VCAN: variants seen among roughly 807,000 people sequenced by gnomAD.
VCAN encodes versican core protein.
VCAN carries 44 observed loss-of-function variants against 245.5 expected under a neutral mutation model. The ratio of observed to expected loss-of-function variants is 0.18; its 90% CI spans 0.14 to 0.23. The LOEUF is 0.23. Ranked by LOEUF, VCAN falls within the 10% of genes least tolerant of loss-of-function variation. VCAN has a pLI of 1.00. For synonymous variants in VCAN, 1,413 were observed against 1,437.0 expected (o/e 0.98, Z 0.38); for missense variants, 3,793 against 4,057.9 (o/e 0.93, Z 1.77).
Position 83,537,602 on chromosome 5 carries a change from A to T in VCAN, c.4599A>T (p.Ala1533=), listed in dbSNP as rs540210222. The T allele has an allele frequency of 8.4e-5, 135 of 1,613,868 alleles. No homozygotes were observed. The Admixed American group carries it at 9.2e-4, about 11-fold the overall frequency. The change falls in exon 8 of 15, where the codon GCA becomes GCT. Residue 1533 remains alanine (A), a synonymous_variant. Coordinates refer to ENST00000265077, the MANE Select transcript of VCAN (RefSeq NM_004385.5). ...GAGATACTGAAGTTGGTCATCAGGC[A>T]CATGAACATACTGAACCTGTATCTC... is the stretch of plus-strand genomic sequence containing the variant. ...TERDTEVGHQ[A]HEHTEPVSLF...
rs1161432393 is a variant in VCAN, at chr5:83,539,180, C to A, written c.6177C>A (p.Thr2059=). The change falls in exon 8 of 15, where the codon ACC becomes ACA. Residue 2059 remains threonine (T), a synonymous_variant. Coordinates refer to ENST00000265077, the MANE Select transcript of VCAN (RefSeq NM_004385.5). ...GTVNEIDRRS[T]ILPTAEVEGT... is the part of the protein sequence containing the mutation. ...TCAATGAAATTGATAGAAGATCCAC[C>A]ATTTTACCAACAGCAGAAGTGGAAG... The A allele has an allele frequency of 6.2e-7, 1 of 1,613,928 alleles. No homozygotes were observed. Among genetic ancestry groups the A allele is most frequent in the Admixed American group, 1.7e-5 (1 of 59,930 alleles).
At position 83,483,649 on chromosome 5, in the gene VCAN, G is replaced by C. The variant is rs1744692136; in HGVS notation, c.70+61G>C. ...AATAAAAATGTAAGTGCTGGAGGAT[G>C]AAATGGCAATGTGGAATCACTGGAA... On this transcript the variant is annotated intron_variant, in intron 2 of 14. Transcript: ENST00000265077. 6 of 1,448,040 alleles carry C rather than the reference G, an allele frequency of 4.1e-6. No individual in the cohort carries two copies. The Admixed American group carries it at 6.7e-5, about 16-fold the overall frequency. 89.7% of individuals were successfully genotyped at this position (1,448,040 alleles called of 1,614,324 possible).
At position 83,472,559 on chromosome 5, in the gene VCAN, C is replaced by A. The variant is rs529114245; in HGVS notation, c.-7+536C>A. Among the ~76,000 whole-genome samples, 9 of 152,292 alleles carry A rather than the reference C, an allele frequency of 5.9e-5. No homozygotes were observed. In the South Asian group the frequency reaches 1.9e-3, roughly 32 times the overall value. ...CCTGGAAAGCCACTCCCGGGCAGCT[C>A]CTGACAGTGCGACCCGGCGCCCAAG... On this transcript the variant is annotated intron_variant, in intron 1 of 14. Transcript: ENST00000265077.
rs1157122970 is a variant in VCAN at position 83,539,767 on chromosome 5, G to C, written c.6764G>C (p.Gly2255Ala). ...QESDTELLFSGLGSGEEVLPT... is the reference protein window; with the variant it reads ...QESDTELLFSALGSGEEVLPT... ...TCAGATACTGAGCTCTTATTCTCTG[G>C]ACTGGGATCAGGAGAAGAAGTTTTA... is the stretch of plus-strand genomic sequence containing the variant. Residue 2255 changes from glycine (G) to alanine (A), a missense_variant, in exon 8 of 15, where the codon GGA becomes GCA. This residue lies in a region of VCAN where 3,182 missense variants were observed against 3,250.3 expected (regional missense o/e 0.98). Coordinates refer to ENST00000265077, the MANE Select transcript of VCAN (RefSeq NM_004385.5). The C allele has an allele frequency of 6.2e-7, 1 of 1,613,990 alleles. No individual in the cohort carries two copies. The highest frequency in any genetic ancestry group is 1.7e-5 in the Admixed American group (1 of 59,970).
intron 8 of VCAN, among the ~76,000 whole-genome samples, chr5:83,544,606 C>T (rs555999176): frequency 6.6e-6 from 1 of 152,174 alleles, no homozygotes; most frequent in South Asian, 2.1e-4. Context: ...TTTTGTAAAA[C>T]TTTCAACTCT....
At chr5:83,487,925 T>C (rs1453471088) in intron 2 of VCAN, among the ~76,000 whole-genome samples, 2 of 152,176 alleles carry the variant, frequency 1.3e-5, no homozygotes, top group African/African-American at 4.8e-5. Context: ...TTGGAAGACA[T>C]ATATTTTAAA....
At chr5:83,512,441 T>C in intron 6 of VCAN, 45 bp downstream of exon 6, 1 of 1,597,890 alleles carries the variant, frequency 6.3e-7, no homozygotes, top group East Asian at 2.2e-5. Context: ...TTAAAAAAAA[T>C]GCTTCGAAGC....
At position 83,537,239 on chromosome 5, in the gene VCAN, T is replaced by C. The variant is rs752922531; in HGVS notation, c.4236T>C (p.Asn1412=). 3 of 1,613,894 alleles carry C rather than the reference T, an allele frequency of 1.9e-6. No individual in the cohort carries two copies. In the South Asian group the frequency reaches 3.3e-5, roughly 18 times the overall value. ...VTTTPSVQYI[N]GKHLVTTVPK... is the part of the protein sequence containing the mutation. ...CCACCCCATCTGTGCAGTACATAAATGGGAAGCATCTCGTTACCACTGTGC... is the reference window on the plus strand; with the variant it reads ...CCACCCCATCTGTGCAGTACATAAACGGGAAGCATCTCGTTACCACTGTGC... Residue 1412 remains asparagine, a synonymous_variant, in exon 8 of 15, where the codon AAT becomes AAC. Coordinates refer to ENST00000265077, the MANE Select transcript of VCAN (RefSeq NM_004385.5).
chr5:83,539,951 T>C lies in VCAN; in HGVS notation c.6948T>C (p.Ser2316=). ...NVAKEVGPLV[S]QTDIFEGSGS... ...CAAAAGAAGTTGGACCACTCGTATC[T>C]CAAACAGACATCTTTGAAGGTAGTG... Residue 2316 remains serine, a synonymous_variant, in exon 8 of 15, where the codon TCT becomes TCC. Transcript: ENST00000265077. 6.2e-7 allele frequency: 1 copy of C among 1,614,080 alleles called. No homozygotes were observed. Among genetic ancestry groups the C allele is most frequent in the Non-Finnish European group, 8.5e-7 (1 of 1,179,992 alleles).
chr5:83,580,491 T>G lies in VCAN; in HGVS notation c.*57T>G. On this transcript the variant is annotated 3_prime_UTR_variant, in exon 15 of 15. Transcript: ENST00000265077. The stretch of plus-strand genomic sequence containing the variant: ...TTTCAGCCAAAGTCCTAACTTCCTG[T>G]GCCTTTCCTATCACCTCGAGAAGTA... 1 of 1,608,526 alleles carries G rather than the reference T, an allele frequency of 6.2e-7. No individual in the cohort carries two copies. The highest frequency in any genetic ancestry group is 8.5e-7 in the Non-Finnish European group (1 of 1,177,126).
intron 6 of VCAN, among the ~76,000 whole-genome samples, chr5:83,516,472 G>A (rs1170866938): frequency 2.0e-5 from 3 of 152,210 alleles, no homozygotes; most frequent in Non-Finnish European, 4.4e-5. Context: ...TGCTGCTAAT[G>A]GGGGTTTTAA....
intron 5 of VCAN, among the ~76,000 whole-genome samples, chr5:83,499,681 T>G (rs1385994464): frequency 2.0e-5 from 3 of 152,150 alleles, no homozygotes; most frequent in Non-Finnish European, 4.4e-5. Flanking sequence ...TCATGGTAAA[T>G]TATTTTCCTT....
At chr5:83,557,681 AG>A (rs1747725689) in intron 12 of VCAN, among the ~76,000 whole-genome samples, 1 of 152,184 alleles carries the variant, frequency 6.6e-6, no homozygotes, top group Non-Finnish European at 1.5e-5. Flanking sequence ...GTGGTAAATT[AG>A]TGAGCATCGC....
chr5:83,579,852 A>T, intron 13 of VCAN, 128 bp from the exon 14 acceptor site: 2 of 1,007,712 alleles, frequency 2.0e-6, no homozygotes, highest in Non-Finnish European at 3.0e-6. Flanking sequence ...TCATATTCTT[A>T]ATTCTAAAAG....
chr5:83,526,352 T>C (rs1454444852), intron 7 of VCAN, among the ~76,000 whole-genome samples: 1 of 152,212 alleles, frequency 6.6e-6, no homozygotes, highest in Non-Finnish European at 1.5e-5. Flanking sequence ...TATAGAAAAA[T>C]TACTTTCTGA....
Position 83,538,133 on chromosome 5 carries a change from C to G in VCAN, c.5130C>G (p.Asp1710Glu), listed in dbSNP as rs756459419. ...CTACCAAGTTTGTAAGTGAAACAGACACTTCTGAGTGGATTTCCAGTACCA... is the reference window on the plus strand; with the variant it reads ...CTACCAAGTTTGTAAGTGAAACAGAGACTTCTGAGTGGATTTCCAGTACCA... ...VVPTKFVSETDTSEWISSTTV... is the reference protein window; with the variant it reads ...VVPTKFVSETETSEWISSTTV... The change falls in exon 8 of 15, where the codon GAC becomes GAG. Residue 1710 changes from aspartate (D) to glutamate (E), a missense_variant. Asp to Glu is a conservative substitution (Grantham distance 45, BLOSUM62 2). Transcript: ENST00000265077. The G allele has an allele frequency of 1.4e-5, 22 of 1,613,834 alleles. No individual in the cohort carries two copies. In the African/African-American group the frequency reaches 2.8e-4, roughly 21 times the overall value.
At chr5:83,525,797 T>C (rs183542495) in intron 7 of VCAN, among the ~76,000 whole-genome samples, 8 of 152,268 alleles carry the variant, frequency 5.3e-5, no homozygotes, top group African/African-American at 1.7e-4. Flanking sequence ...TAAAGATTAA[T>C]TACATTTTGA....
chr5:83,576,209 T>A (rs541274623), intron 13 of VCAN, among the ~76,000 whole-genome samples: 1 of 152,240 alleles, frequency 6.6e-6, no homozygotes, highest in East Asian at 1.9e-4. Flanking sequence ...CCAGAGATAA[T>A]GACTTAATTC....
Position 83,553,650 on chromosome 5 carries a change from G to T in VCAN, c.9652+128G>T, listed in dbSNP as rs115210448. The T allele has an allele frequency of 7.6e-4, 973 of 1,275,248 alleles. 5 individuals carry two copies. In the African/African-American group the frequency reaches 0.012, roughly 15 times the overall value. The allele number at this position is 1,275,248 out of a possible 1,614,324, so 79.0% of individuals were successfully genotyped here. On this transcript the variant is annotated intron_variant, in intron 11 of 14. Coordinates refer to ENST00000265077, the MANE Select transcript of VCAN (RefSeq NM_004385.5). ...ACAACTTATCAAATCCCTCATCTGT[G>T]AATTACTTAAAATCATCTCACCTAT...
Sources: allele counts gnomAD v4.1 joint callset (sites outside exome capture counted in the v4.1 genomes callset), GRCh38; gene constraint gnomAD v4.1.1; regional missense constraint gnomAD v4.1.1; transcripts MANE v1.5; gene names NCBI Gene and HGNC (gene_info 2026-07-23, HGNC 2026-07-21).